Variants in ERN1 observed in about 807,000 individuals in gnomAD.
The protein encoded by ERN1 is serine/threonine-protein kinase/endoribonuclease IRE1.
A neutral mutation model predicts 113.1 loss-of-function variants in ERN1; 39 were observed. The observed-to-expected ratio is 0.34, with a 90% CI of 0.27 to 0.45. The LOEUF (loss-of-function observed/expected upper bound fraction) is 0.45, where lower values mean the gene tolerates loss of function less well. ERN1 is among the 20% of genes least tolerant of loss of function. The probability of loss-of-function intolerance (pLI) is 1.00; values close to 1 mark genes in which losing one functional copy is unlikely to be tolerated. For synonymous variants in ERN1, 507 were observed against 515.9 expected (o/e 0.98, Z 0.23); for missense variants, 976 against 1,274.8 (o/e 0.77, Z 3.57).
chr17:64,068,385 C>T, intron 6 of ERN1, 94 bp from the exon 7 acceptor site: 1 of 907,436 alleles, frequency 1.1e-6, no homozygotes, highest in Non-Finnish European at 1.8e-6. Flanking sequence ...ACAAATCCTC[C>T]CTAAACTGTA....
At chr17:64,057,758 C>T (rs762069289) in intron 12 of ERN1, 44 bp downstream of exon 12, 2 of 1,562,504 alleles carry the variant, frequency 1.3e-6, no homozygotes, top group African/African-American at 1.4e-5. Flanking sequence ...GGCAGAGAAG[C>T]CCCAGAAATA....
At position 64,093,580 on chromosome 17, in the gene ERN1, G is replaced by A. The variant is rs532262550; in HGVS notation, c.175+4541C>T. ...AGGGCTCTCTTCTTGGCTTGCAGACGGCCACCTTCTCACCATGTCCTCACA... is the reference window on the plus strand; with the variant it reads ...AGGGCTCTCTTCTTGGCTTGCAGACAGCCACCTTCTCACCATGTCCTCACA... On this transcript the variant is annotated intron_variant, in intron 2 of 21. Transcript: ENST00000433197. Among the ~76,000 whole-genome samples the A allele has an allele frequency of 2.0e-5, 3 of 152,116 alleles. 1 individual carries two copies. Among genetic ancestry groups the A allele is most frequent in the Admixed American group, 1.3e-4 (2 of 15,272 alleles).
At chr17:64,129,523 A>G (rs1285475728) in intron 1 of ERN1, 4 of 325,036 alleles carry the variant, frequency 1.2e-5, no homozygotes, top group Non-Finnish European at 2.2e-5. Flanking sequence ...AGCGCAGGAC[A>G]GACCCTTCCC....
chr17:64,130,013 A>AGCC lies in ERN1; in HGVS notation c.14_16dup (p.Arg5dup). The AGCC allele has an allele frequency of 7.0e-7, 1 of 1,436,570 alleles. No homozygotes were observed. The highest frequency in any genetic ancestry group is 9.1e-7 in the Non-Finnish European group (1 of 1,100,994). 89.0% of individuals were successfully genotyped at this position (1,436,570 alleles called of 1,614,324 possible). A position where few individuals can be genotyped will look rare whatever the true frequency, so the allele number is the denominator to read the frequency against. On this transcript the variant is annotated inframe_insertion, in exon 1 of 22. Transcript: ENST00000433197. This position sits in a 1 kb window ranked among gnomAD's most constrained non-coding sequence, Gnocchi z 4.0. ...CAGCAGCAGCGTCAGCAGCAGCAGC[A>AGCC]GCCGCCGGGCCGGCATGGCGAGGAC...
chr17:64,120,779 G>C (rs182668637), intron 1 of ERN1, among the ~76,000 whole-genome samples: 1 of 152,254 alleles, frequency 6.6e-6, no homozygotes, highest in East Asian at 1.9e-4. Flanking sequence ...AGCTCCTCTA[G>C]TTCTGTAGAA....
In ERN1 at chr17:64,044,388, G is replaced by A. The variant is rs558417994; in HGVS notation, c.2722-188C>T. On this transcript the variant is annotated intron_variant, in intron 21 of 21. Transcript: ENST00000433197. This position sits in a 1 kb window ranked among gnomAD's most constrained non-coding sequence, Gnocchi z 4.1. ...CATCTCGCCTGCTACCCTCACTCAGGAGGAGGCCTTGAAGTGAGCAAGGCC... is the reference window on the plus strand; with the variant it reads ...CATCTCGCCTGCTACCCTCACTCAGAAGGAGGCCTTGAAGTGAGCAAGGCC... Among the ~76,000 whole-genome samples, 7 of 152,346 alleles carry A rather than the reference G, an allele frequency of 4.6e-5. No homozygotes were observed. In the East Asian group the frequency reaches 1.3e-3, roughly 29 times the overall value.
intron 20 of ERN1, 92 bp from the exon 21 acceptor site, chr17:64,045,019 G>T: frequency 1.0e-6 from 1 of 968,580 alleles, no homozygotes; most frequent in Non-Finnish European, 1.6e-6. Context: ...GGATTAGGGA[G>T]TTGGACTGAA....
rs947325716 is a variant in ERN1, at chr17:64,045,409, G to A, written c.2603C>T (p.Ala868Val). The A allele has an allele frequency of 6.2e-6, 10 of 1,613,668 alleles. No individual in the cohort carries two copies. Among genetic ancestry groups the A allele is most frequent in the Non-Finnish European group, 7.6e-6 (9 of 1,179,866 alleles). Residue 868 changes from alanine (A) to valine (V), a missense_variant, in exon 20 of 22, where the codon GCC becomes GTC. By Grantham distance (64) the Ala-to-Val change is moderately conservative (BLOSUM62 0). Coordinates refer to ENST00000433197, the MANE Select transcript of ERN1 (RefSeq NM_001433.5). ...IVKQLERGGR[A>V]VVKMDWRENI... ...CTCCCGCCAGTCCATCTTCACCACG[G>A]CTCTCCCGCCTCTCTCTAACTGCTT...
intron 5 of ERN1, among the ~76,000 whole-genome samples, chr17:64,073,284 T>A (rs1913481769): frequency 6.7e-6 from 1 of 149,854 alleles, no homozygotes; most frequent in African/African-American, 2.5e-5. Context: ...TTCTCCTGCC[T>A]CAGCCTCCTG....
intron 1 of ERN1, among the ~76,000 whole-genome samples, chr17:64,122,468 G>A (rs572994278): frequency 6.6e-6 from 1 of 152,324 alleles, no homozygotes; most frequent in Admixed American, 6.5e-5. Context: ...TCTGATTCCA[G>A]TTATCTTGGG....
chr17:64,059,673 G>T (rs910997378), intron 11 of ERN1, among the ~76,000 whole-genome samples: 5 of 152,154 alleles, frequency 3.3e-5, no homozygotes, highest in African/African-American at 1.2e-4. Context: ...ACTTCTGTGG[G>T]GCTGCTGAAT....
intron 2 of ERN1, among the ~76,000 whole-genome samples, chr17:64,097,398 C>T (rs1005862965): frequency 6.6e-6 from 1 of 152,142 alleles, no homozygotes; most frequent in Admixed American, 6.5e-5. Context: ...CGAAAGAGAA[C>T]GATGCTGTTC....
At position 64,066,895 on chromosome 17, in the gene ERN1, C is replaced by T; in HGVS notation, c.618G>A (p.Val206=). The T allele has an allele frequency of 6.2e-7, 1 of 1,613,918 alleles. No homozygotes were observed. The highest frequency in any genetic ancestry group is 8.5e-7 in the Non-Finnish European group (1 of 1,179,862). Residue 206 remains valine, a synonymous_variant, in exon 8 of 22, where the codon GTG becomes GTA. Transcript: ENST00000433197. ...CCCCAGATTCACTGTCCACAGTCAC[C>T]ACCAGCCCATCACCATTGGACACAA... is the stretch of plus-strand genomic sequence containing the variant. ...SHFVSNGDGL[V]VTVDSESGDV...
intron 2 of ERN1, among the ~76,000 whole-genome samples, chr17:64,094,682 A>C (rs1914182808): frequency 6.7e-6 from 1 of 148,862 alleles, no homozygotes; most frequent in Admixed American, 6.7e-5. Context: ...CCGGCTGTCT[A>C]CAAGACTCCC....
At position 64,039,390 on chromosome 17, in the gene ERN1, CAATT is replaced by C. The variant is rs555138328; in HGVS notation, c.*4594_*4597del. ...ACACAATTAACACGTACTAATTAAA[CAATT>C]AACCATCCACACAGAAGACATAATG... On this transcript the variant is annotated 3_prime_UTR_variant, in exon 22 of 22. Coordinates refer to ENST00000433197, the MANE Select transcript of ERN1 (RefSeq NM_001433.5). 2.3e-3 allele frequency: 357 copies of C among 152,222 alleles called. No individual in the cohort carries two copies. Among genetic ancestry groups the C allele is most frequent in the African/African-American group, 8.2e-3 (339 of 41,530 alleles). 9.4% of individuals were successfully genotyped at this position (152,222 alleles called of 1,614,324 possible). A position where few individuals can be genotyped will look rare whatever the true frequency, so the allele number is the denominator to read the frequency against.
chr17:64,093,538 G>C (rs1220353276), intron 2 of ERN1, among the ~76,000 whole-genome samples: 3 of 152,202 alleles, frequency 2.0e-5, no homozygotes, highest in Non-Finnish European at 4.4e-5. Flanking sequence ...CTGGAAGTCT[G>C]AGATTGGTTT....
At position 64,089,318 on chromosome 17, in the gene ERN1, C is replaced by CAA. The variant is rs34094164; in HGVS notation, c.176-8512_176-8511dup. Among the ~76,000 whole-genome samples, 183 of 24,236 alleles carry CAA rather than the reference C, an allele frequency of 7.6e-3. 18 individuals are homozygous for CAA. The highest frequency in any genetic ancestry group is 0.031 in the Middle Eastern group (1 of 32). 15.9% of individuals were successfully genotyped at this position (24,236 alleles called of 152,430 possible). A position where few individuals can be genotyped will look rare whatever the true frequency, so the allele number is the denominator to read the frequency against. On this transcript the variant is annotated intron_variant, in intron 2 of 21. Transcript: ENST00000433197. ...TGGGCAAAAGAGTGAGAATCCATCT[C>CAA]AAAAAAAAAAAAAAAAAAAAAAAAA... is the stretch of plus-strand genomic sequence containing the variant.
At chr17:64,107,144 A>T (rs977005470) in intron 1 of ERN1, among the ~76,000 whole-genome samples, 14 of 152,148 alleles carry the variant, frequency 9.2e-5, no homozygotes, top group African/African-American at 3.4e-4. Flanking sequence ...AGAACACTGA[A>T]ATCAGTGCCC....
intron 7 of ERN1, 108 bp from the exon 8 acceptor site, chr17:64,067,040 C>T: frequency 8.4e-7 from 1 of 1,189,144 alleles, no homozygotes; most frequent in African/African-American, 1.5e-5. Context: ...AACAAGACTT[C>T]TGGAATATTC....
Sources: gnomAD v4.1 joint callset for allele counts (sites outside exome capture counted in the v4.1 genomes callset) on GRCh38, gnomAD v4.1.1 for gene constraint, Gnocchi (gnomAD v3.1) non-coding constraint, MANE v1.5 for transcripts, NCBI Gene and HGNC (gene_info 2026-07-23, HGNC 2026-07-21) for gene names.